The following PRKAB2 variants were observed in gnomAD, a reference collection of about 807,000 sequenced individuals.
PRKAB2 encodes the protein 5'-AMP-activated protein kinase subunit beta-2.
Under a neutral mutation model 29.8 loss-of-function variants are expected in PRKAB2, and 18 were observed. The observed-to-expected ratio is 0.60, with a 90% CI of 0.42 to 0.89. The LOEUF is 0.89. PRKAB2 is among the 40% of genes least tolerant of loss of function. PRKAB2 has a pLI of 0.00. For missense variants in PRKAB2, 270 were observed against 344.3 expected, an observed-to-expected ratio of 0.78 and a Z score of 1.71; for synonymous variants, 136 against 125.9, an observed-to-expected ratio of 1.08 and a Z score of -0.54.
chr1:147,162,721 T>A, intron 5 of PRKAB2, 148 bp from the exon 6 acceptor site: 1 of 802,168 alleles, frequency 1.2e-6, no homozygotes, highest in Non-Finnish European at 1.9e-6. Context: ...AGCTGTAAGG[T>A]AACCAGAGGA....
At chr1:147,164,769 A>G (rs1654154466) in intron 5 of PRKAB2, among the ~76,000 whole-genome samples, 1 of 152,218 alleles carries the variant, frequency 6.6e-6, no homozygotes, top group Non-Finnish European at 1.5e-5. Context: ...TATAAGCGTT[A>G]CCTCAATAGA....
chr1:147,163,873 T>G (rs781972435), intron 5 of PRKAB2, among the ~76,000 whole-genome samples: 3 of 152,102 alleles, frequency 2.0e-5, no homozygotes, highest in Non-Finnish European at 4.4e-5. Context: ...AAAAAAAGTA[T>G]GCAGACAAGA....
At position 147,156,561 on chromosome 1, in the gene PRKAB2, C is replaced by G. The variant is rs942925158; in HGVS notation, c.*3004G>C. 6.6e-6 allele frequency: 1 copy of G among 152,122 alleles called. No individual in the cohort carries two copies. The highest frequency in any genetic ancestry group is 1.5e-5 in the Non-Finnish European group (1 of 68,014). The allele number at this position is 152,122 out of a possible 1,614,324, so 9.4% of individuals were successfully genotyped here. A position where few individuals can be genotyped will look rare whatever the true frequency, so the allele number is the denominator to read the frequency against. On this transcript the variant is annotated 3_prime_UTR_variant, in exon 8 of 8. Transcript: ENST00000254101. ...AAAGTTTCTCTACCATACAAACATA[C>G]GTTTTAAAAGCCAACACTATTGAGG...
In PRKAB2 at chr1:147,168,210, T is replaced by TC. The variant is rs1654346907; in HGVS notation, c.157-278_157-277insG. 2.7e-5 allele frequency among the ~76,000 whole-genome samples: 4 copies of TC among 148,384 alleles called. No individual in the cohort carries two copies. The South Asian group carries it at 6.4e-4, about 24-fold the overall frequency. ...CCTTCCAGAGCCTTAGACTCTCCCTTAAAAAAAAAAGAAAAAAATAACTCC... is the reference window on the plus strand; with the variant it reads ...CCTTCCAGAGCCTTAGACTCTCCCTTCAAAAAAAAAAGAAAAAAATAACTCC... On this transcript the variant is annotated intron_variant, in intron 2 of 7. Transcript: ENST00000254101.
chr1:147,161,664 G>T, intron 7 of PRKAB2, 48 bp downstream of exon 7: 1 of 1,488,966 alleles, frequency 6.7e-7, no homozygotes, highest in South Asian at 1.1e-5. Flanking sequence ...TGTTACCCTT[G>T]ACCTCTCATT....
intron 2 of PRKAB2, among the ~76,000 whole-genome samples, chr1:147,171,224 C>T (rs587627384): frequency 6.6e-6 from 1 of 152,302 alleles, no homozygotes; most frequent in Admixed American, 6.5e-5. Context: ...GAATTGAGAG[C>T]AAGGTCTTCA....
At position 147,172,087 on chromosome 1, in the gene PRKAB2, G is replaced by T. The variant is rs1041418907; in HGVS notation, c.58C>A (p.Arg20Ser). The change falls in exon 2 of 8, where the codon CGC (arginine) becomes AGC (serine). Residue 20 changes from arginine to serine, a missense_variant. Arg to Ser is a moderately radical substitution (Grantham distance 110, BLOSUM62 -1). Coordinates refer to ENST00000254101, the MANE Select transcript of PRKAB2 (RefSeq NM_005399.5). ...SGERHGAKAA[R>S]SEGAGGHAPG... is the part of the protein sequence containing the mutation. ...GCATGGCCGCCTGCGCCCTCGGAGC[G>T]TGCAGCCTTGGCGCCGTGGCGCTCC... The T allele has an allele frequency of 1.9e-6, 3 of 1,565,754 alleles. No individual in the cohort carries two copies. Among genetic ancestry groups the T allele is most frequent in the Non-Finnish European group, 2.6e-6 (3 of 1,156,124 alleles).
intron 2 of PRKAB2, among the ~76,000 whole-genome samples, chr1:147,170,603 G>T (rs57610414): frequency 0.036 from 5,375 of 151,160 alleles, 133 homozygotes; most frequent in South Asian, 0.092. Flanking sequence ...TTGTTTTTTT[G>T]TTTTGAGAGT....
intron 7 of PRKAB2, among the ~76,000 whole-genome samples, chr1:147,160,396 C>T (rs1218907525): frequency 6.6e-6 from 1 of 152,156 alleles, no homozygotes; most frequent in Non-Finnish European, 1.5e-5. Flanking sequence ...ATTTCCCAGG[C>T]TGTGTTGTAG....
At position 147,158,864 on chromosome 1, in the gene PRKAB2, G is replaced by A. The variant is rs1253770582; in HGVS notation, c.*701C>T. 6.6e-6 allele frequency: 1 copy of A among 152,202 alleles called. No individual in the cohort carries two copies. Among genetic ancestry groups the A allele is most frequent in the Non-Finnish European group, 1.5e-5 (1 of 68,058 alleles). 9.4% of individuals were successfully genotyped at this position (152,202 alleles called of 1,614,324 possible). On this transcript the variant is annotated 3_prime_UTR_variant, in exon 8 of 8. Transcript: ENST00000254101. ...CCTGGGCCTGTGCTGGGCTAAAAAGGAGACCTTCTGATAGCCCTAGTGTCT... is the reference window on the plus strand; with the variant it reads ...CCTGGGCCTGTGCTGGGCTAAAAAGAAGACCTTCTGATAGCCCTAGTGTCT...
At chr1:147,159,872 T>C (rs1553912899) in intron 7 of PRKAB2, among the ~76,000 whole-genome samples, 1 of 152,132 alleles carries the variant, frequency 6.6e-6, no homozygotes, top group Non-Finnish European at 1.5e-5. Context: ...TTACAAAAGA[T>C]AACACCTACC....
At chr1:147,161,586 A>G in intron 7 of PRKAB2, 126 bp downstream of exon 7, 1 of 784,728 alleles carries the variant, frequency 1.3e-6, no homozygotes, top group Non-Finnish European at 2.0e-6. Context: ...GAGTTCTTCT[A>G]TAATTTGATC....
chr1:147,171,887 T>C lies in PRKAB2; in HGVS notation c.156+102A>G, dbSNP rs1654630095. ...TAAATCCCTTTAATTCAAAAAACCATAGCCCGGTTCGGCGCGGTAGAAAAG... is the reference window on the plus strand; with the variant it reads ...TAAATCCCTTTAATTCAAAAAACCACAGCCCGGTTCGGCGCGGTAGAAAAG... On this transcript the variant is annotated intron_variant, in intron 2 of 7. Coordinates refer to ENST00000254101, the MANE Select transcript of PRKAB2 (RefSeq NM_005399.5). The C allele has an allele frequency of 4.8e-6, 7 of 1,445,546 alleles. No individual in the cohort carries two copies. The South Asian group carries it at 7.5e-5, about 16-fold the overall frequency. 89.5% of individuals were successfully genotyped at this position (1,445,546 alleles called of 1,614,324 possible).
At chr1:147,166,650 C>G in intron 4 of PRKAB2, 32 bp from the exon 5 acceptor site, 1 of 1,606,774 alleles carries the variant, frequency 6.2e-7, no homozygotes, top group Non-Finnish European at 8.5e-7. Context: ...ATTATTGAAT[C>G]TCTCTTTCAA....
At chr1:147,160,075 C>A (rs1179055577) in intron 7 of PRKAB2, among the ~76,000 whole-genome samples, 2 of 152,004 alleles carry the variant, frequency 1.3e-5, no homozygotes, top group African/African-American at 4.8e-5. Context: ...GTCTTAAAGA[C>A]AATGAGGAAA....
Position 147,172,004 on chromosome 1 carries a change from G to A in PRKAB2, c.141C>T (p.Ser47=). ...VGSTDDPSVF[S]LPDSKLPGDK... ...GGACGCTTACCTTGGAGTCAGGGAG[G>A]CTGAACACGCTGGGGTCGTCCGTAC... Residue 47 remains serine (S), a synonymous_variant, in exon 2 of 8, where the codon AGC becomes AGT. Transcript: ENST00000254101. 1.2e-6 allele frequency: 2 copies of A among 1,600,990 alleles called. No homozygotes were observed. Among genetic ancestry groups the A allele is most frequent in the Non-Finnish European group, 1.7e-6 (2 of 1,174,630 alleles).
At chr1:147,171,954 A>G (rs1553914455) in intron 2 of PRKAB2, 35 bp downstream of exon 2, 1 of 1,586,412 alleles carries the variant, frequency 6.3e-7, no homozygotes. Context: ...AACCCGCTGC[A>G]GTACTGACAC....
At chr1:147,169,060 T>A (rs1369687831) in intron 2 of PRKAB2, among the ~76,000 whole-genome samples, 1 of 152,240 alleles carries the variant, frequency 6.6e-6, no homozygotes, top group Non-Finnish European at 1.5e-5. Context: ...AAGTCTAAAC[T>A]ATTTACTATC....
At position 147,168,038 on chromosome 1, in the gene PRKAB2, G is replaced by T. The variant is rs1258021472; in HGVS notation, c.157-105C>A. 3.3e-6 allele frequency: 4 copies of T among 1,204,480 alleles called. No individual in the cohort carries two copies. The Admixed American group carries it at 7.6e-5, about 23-fold the overall frequency. The allele number at this position is 1,204,480 out of a possible 1,614,324, so 74.6% of individuals were successfully genotyped here. ...AGAAGGGTGCTAGGCTTTGGCTAAG[G>T]ATATAAACCCCAAAATTAGCAACTA... On this transcript the variant is annotated intron_variant, in intron 2 of 7. Coordinates refer to ENST00000254101, the MANE Select transcript of PRKAB2 (RefSeq NM_005399.5).
Sources: allele counts gnomAD v4.1 joint callset (sites outside exome capture counted in the v4.1 genomes callset), GRCh38; gene constraint gnomAD v4.1.1; transcripts MANE v1.5; gene names NCBI Gene and HGNC (gene_info 2026-07-23, HGNC 2026-07-21).